Variants in DENND2A observed in about 807,000 individuals in gnomAD.
The protein encoded by DENND2A is DENN domain containing 2A.
A neutral mutation model predicts 105.3 loss-of-function variants in DENND2A; 53 were observed. That is an observed-to-expected ratio of 0.50 (90% confidence interval 0.40 to 0.63). The LOEUF (loss-of-function observed/expected upper bound fraction) is 0.63. Among genes scored for constraint, DENND2A ranks in the 30% least tolerant of loss-of-function variants. The pLI is 0.00. For missense variants in DENND2A, 1,138 were observed against 1,279.6 expected, an observed-to-expected ratio of 0.89 and a Z score of 1.69; for synonymous variants, 522 against 508.4, an observed-to-expected ratio of 1.03 and a Z score of -0.36.
intron 3 of DENND2A, among the ~76,000 whole-genome samples, chr7:140,595,538 G>T (rs1191031553): frequency 6.6e-6 from 1 of 152,096 alleles, no homozygotes; most frequent in Non-Finnish European, 1.5e-5. Flanking sequence ...GTAGGCTGAG[G>T]CAGGCAGATG....
intron 12 of DENND2A, among the ~76,000 whole-genome samples, chr7:140,550,127 ATAGGGGTGGGGT>A (rs199505042): frequency 0.54 from 59,050 of 108,536 alleles, 16,111 homozygotes; most frequent in East Asian, 0.84. Context: ...AGGGGAGGGG[ATAGGGGTGGGGT>A]TAGGGGTGGG....
chr7:140,554,642 AG>A (rs1359647989), intron 12 of DENND2A, among the ~76,000 whole-genome samples: 1 of 152,218 alleles, frequency 6.6e-6, no homozygotes, highest in Non-Finnish European at 1.5e-5. Context: ...TCTCAAAAAA[AG>A]AAAAAAAATT....
chr7:140,600,891 ATG>A (rs1799458142), intron 3 of DENND2A, among the ~76,000 whole-genome samples: 1 of 152,226 alleles, frequency 6.6e-6, no homozygotes. Context: ...TTATTATTTA[ATG>A]TGTTATTTTA....
chr7:140,570,183 C>T (rs116968651), intron 6 of DENND2A, among the ~76,000 whole-genome samples: 3,548 of 152,304 alleles, frequency 0.023, 52 homozygotes, highest in South Asian at 0.043. Context: ...GCGCGAGCCA[C>T]CGCACCCAGC....
At chr7:140,548,588 T>G (rs983506238) in intron 12 of DENND2A, among the ~76,000 whole-genome samples, 1 of 152,068 alleles carries the variant, frequency 6.6e-6, no homozygotes, top group Non-Finnish European at 1.5e-5. Context: ...ATATGGCTAG[T>G]CTGAATTCAG....
Position 140,611,934 on chromosome 7 carries a change from T to C in DENND2A, c.-247-6128A>G, listed in dbSNP as rs548315791. On this transcript the variant is annotated intron_variant, in intron 1 of 19. Coordinates refer to ENST00000496613, the MANE Select transcript of DENND2A (RefSeq NM_015689.5). ...GTGAATACACCACAAGCCACTGAAC[T>C]GTACAGTTTAAGATGGTGAATGTTG... Among the ~76,000 whole-genome samples the C allele has an allele frequency of 2.6e-5, 4 of 152,266 alleles. No homozygotes were observed. The South Asian group carries it at 8.3e-4, about 32-fold the overall frequency.
rs184773256 is a variant in DENND2A at position 140,549,712 on chromosome 7, G to A, written c.2038-2773C>T. 1.0e-3 allele frequency among the ~76,000 whole-genome samples: 158 copies of A among 152,142 alleles called. 3 individuals carry two copies. Among genetic ancestry groups the A allele is most frequent in the African/African-American group, 3.4e-3 (140 of 41,498 alleles). On this transcript the variant is annotated intron_variant, in intron 12 of 19. Transcript: ENST00000496613. Reference sequence around the variant, plus strand: ...AGTTCCTCAAAAAACTAAATAGAATGACCATATGATCCAGCAACTCTATTT... The same window carrying A: ...AGTTCCTCAAAAAACTAAATAGAATAACCATATGATCCAGCAACTCTATTT...
At chr7:140,574,144 GT>G in intron 5 of DENND2A, 136 bp from the exon 6 acceptor site, 1 of 906,998 alleles carries the variant, frequency 1.1e-6, no homozygotes, top group East Asian at 2.5e-5. Context: ...GTGGAGTTTG[GT>G]TATGCCAGTA....
rs1799667795 is a variant in DENND2A at position 140,605,801 on chromosome 7, G to C, written c.-242C>G. ...CATGTCAGTACCGAGGGGAGTTCCA[G>C]GTCACCTGGGGGGACAGGGATGCAC... is the stretch of plus-strand genomic sequence containing the variant. On this transcript the variant is annotated 5_prime_UTR_variant, in exon 2 of 20. Transcript: ENST00000496613. 1 of 152,256 alleles carries C rather than the reference G, an allele frequency of 6.6e-6. No individual in the cohort carries two copies. The highest frequency in any genetic ancestry group is 1.5e-5 in the Non-Finnish European group (1 of 68,112). 9.4% of individuals were successfully genotyped at this position (152,256 alleles called of 1,614,324 possible).
In DENND2A at chr7:140,548,893, G is replaced by A. The variant is rs188313268; in HGVS notation, c.2038-1954C>T. Among the ~76,000 whole-genome samples, 169 of 152,034 alleles carry A rather than the reference G, an allele frequency of 1.1e-3. 4 individuals carry two copies. In the South Asian group the frequency reaches 0.022, roughly 20 times the overall value. ...TTCCCAGTGTTGGGATTACAGGCAT[G>A]AGCCACTGTGCTGGCCCAGATGTAT... On this transcript the variant is annotated intron_variant, in intron 12 of 19. Transcript: ENST00000496613.
rs1200747253 is a variant in DENND2A, at chr7:140,567,071, T to C, written c.1779+15A>G. The C allele has an allele frequency of 1.3e-6, 2 of 1,562,252 alleles. No homozygotes were observed. Among genetic ancestry groups the C allele is most frequent in the South Asian group, 2.4e-5 (2 of 84,610 alleles). ...AGAACCCTGGCAGGCCACAGGGACCTGGCCACCCTGTTACCTTCAGAGGGA... is the reference window on the plus strand; with the variant it reads ...AGAACCCTGGCAGGCCACAGGGACCCGGCCACCCTGTTACCTTCAGAGGGA... On this transcript the variant is annotated intron_variant, in intron 9 of 19. Transcript: ENST00000496613.
intron 3 of DENND2A, among the ~76,000 whole-genome samples, chr7:140,594,249 A>G (rs1037939856): frequency 1.3e-5 from 2 of 152,056 alleles, no homozygotes; most frequent in Non-Finnish European, 2.9e-5. Flanking sequence ...CTTCTTAAAA[A>G]TGTTCCTTTT....
At chr7:140,560,826 C>T (rs547244819) in intron 9 of DENND2A, among the ~76,000 whole-genome samples, 3 of 151,744 alleles carry the variant, frequency 2.0e-5, no homozygotes, top group South Asian at 2.1e-4. Flanking sequence ...CCCAGCTGCT[C>T]GGGAGGCTGA....
chr7:140,529,807 G>C (rs1386333282), intron 14 of DENND2A, among the ~76,000 whole-genome samples: 1 of 151,938 alleles, frequency 6.6e-6, no homozygotes, highest in Non-Finnish European at 1.5e-5. Flanking sequence ...GTAGGGGGAC[G>C]GGGGAGGGAT....
chr7:140,582,955 T>C (rs1798603543), intron 5 of DENND2A, among the ~76,000 whole-genome samples: 1 of 152,158 alleles, frequency 6.6e-6, no homozygotes, highest in Admixed American at 6.6e-5. Flanking sequence ...ATATAAACCT[T>C]TTGACCTTGA....
chr7:140,558,077 C>G lies in DENND2A; in HGVS notation c.1959+66G>C, dbSNP rs111518103. 4.5e-3 allele frequency: 6,305 copies of G among 1,395,724 alleles called. 224 individuals are homozygous for G. The African/African-American group carries it at 0.078, about 17-fold the overall frequency. The allele number at this position is 1,395,724 out of a possible 1,614,324, so 86.5% of individuals were successfully genotyped here. Reference sequence around the variant, plus strand: ...GTCTCACGGGACTGGGAAGCCAGACCTGGCTCTTGCACCAGGACTAGGAAG... The same window carrying G: ...GTCTCACGGGACTGGGAAGCCAGACGTGGCTCTTGCACCAGGACTAGGAAG... On this transcript the variant is annotated intron_variant, in intron 11 of 19. Coordinates refer to ENST00000496613, the MANE Select transcript of DENND2A (RefSeq NM_015689.5).
At chr7:140,552,396 CT>C (rs1380591112) in intron 12 of DENND2A, among the ~76,000 whole-genome samples, 2 of 148,466 alleles carry the variant, frequency 1.3e-5, no homozygotes, top group Non-Finnish European at 3.0e-5. Context: ...CTTCTTCTTT[CT>C]TTTTCTTTTC....
At chr7:140,526,900 G>A (rs913368490) in intron 15 of DENND2A, among the ~76,000 whole-genome samples, 22 of 152,254 alleles carry the variant, frequency 1.4e-4, no homozygotes, top group African/African-American at 4.8e-4. Flanking sequence ...TCCCCGCTTC[G>A]ATGCTAAACT....
intron 1 of DENND2A, among the ~76,000 whole-genome samples, chr7:140,627,337 G>A (rs1349211871): frequency 3.3e-5 from 5 of 151,412 alleles, no homozygotes; most frequent in Non-Finnish European, 7.4e-5. Flanking sequence ...TCAGTCTCCC[G>A]AGTAGCTGGG....
Sources: allele counts gnomAD v4.1 joint callset (sites outside exome capture counted in the v4.1 genomes callset), GRCh38; gene constraint gnomAD v4.1.1; transcripts MANE v1.5; gene names NCBI Gene and HGNC (gene_info 2026-07-23, HGNC 2026-07-21).